The following FBN1 variants were observed in gnomAD, a reference collection of about 807,000 sequenced individuals.
FBN1 encodes fibrillin-1.
A neutral mutation model predicts 365.1 loss-of-function variants in FBN1; 29 were observed. That is an observed-to-expected ratio of 0.08 (90% CI 0.06 to 0.11). The LOEUF (loss-of-function observed/expected upper bound fraction) is 0.11. FBN1 is among the 10% of genes least tolerant of loss of function. The probability of loss-of-function intolerance (pLI) is 1.00; values close to 1 mark genes in which losing one functional copy is unlikely to be tolerated. For synonymous variants in FBN1, 1,210 were observed against 1,270.5 expected (o/e 0.95, Z 1.01); for missense variants, 2,476 against 3,703.2 (o/e 0.67, Z 8.60).
intron 25 of FBN1, 124 bp from the exon 26 acceptor site, chr15:48,488,617 T>C: frequency 9.5e-7 from 1 of 1,052,148 alleles, no homozygotes; most frequent in Non-Finnish European, 1.4e-6. Flanking sequence ...GCAGTATACA[T>C]TTCCAAGAAT....
intron 2 of FBN1, among the ~76,000 whole-genome samples, chr15:48,637,130 C>T (rs949416716): frequency 6.6e-6 from 1 of 152,176 alleles, no homozygotes; most frequent in African/African-American, 2.4e-5. Context: ...TCTGGAACCA[C>T]CTGAGTCTCT....
intron 10 of FBN1, among the ~76,000 whole-genome samples, chr15:48,519,942 G>C (rs530953447): frequency 6.6e-6 from 1 of 152,256 alleles, no homozygotes; most frequent in African/African-American, 2.4e-5. Flanking sequence ...AAAGTGTGCT[G>C]TATTTATGTA....
intron 44 of FBN1, among the ~76,000 whole-genome samples, chr15:48,453,556 A>C (rs1476412992): frequency 6.6e-6 from 1 of 152,144 alleles, no homozygotes; most frequent in Non-Finnish European, 1.5e-5. Flanking sequence ...TATTCTATGA[A>C]TAGTTATGGA....
chr15:48,455,881 G>A (rs1039127769), intron 44 of FBN1, among the ~76,000 whole-genome samples: 5 of 151,882 alleles, frequency 3.3e-5, no homozygotes, highest in East Asian at 1.9e-4. Context: ...GCTATAATAC[G>A]TGCTCTAAGG....
At position 48,412,668 on chromosome 15, in the gene FBN1, T is replaced by G; in HGVS notation, c.8127A>C (p.Ser2709=). ...ACTCGTAACAAGCCTCTGGGGAGAG[T>G]GAATTGTCATCCATTTCACCACTGA... is the stretch of plus-strand genomic sequence containing the variant. The part of the protein sequence containing the change: ...PPVSGEMDDN[S]LSPEACYECK... Residue 2709 remains serine (S), a synonymous_variant, in exon 65 of 66, where the codon TCA becomes TCC. Coordinates refer to ENST00000316623, the MANE Select transcript of FBN1 (RefSeq NM_000138.5). The G allele has an allele frequency of 6.2e-7, 1 of 1,613,948 alleles. No homozygotes were observed. The highest frequency in any genetic ancestry group is 8.5e-7 in the Non-Finnish European group (1 of 1,179,984).
intron 14 of FBN1, 66 bp downstream of exon 14, chr15:48,509,978 G>T: frequency 1.3e-6 from 2 of 1,541,396 alleles, no homozygotes; most frequent in Non-Finnish European, 1.8e-6. Flanking sequence ...ATTTGGTCTT[G>T]TTAAAGACCC....
chr15:48,615,287 T>A (rs781025289), intron 2 of FBN1, among the ~76,000 whole-genome samples: 11 of 152,144 alleles, frequency 7.2e-5, no homozygotes, highest in East Asian at 3.8e-4. Flanking sequence ...GTTTTATTTT[T>A]TTTTTTTACT....
At chr15:48,489,507 G>C (rs1255052226) in intron 25 of FBN1, among the ~76,000 whole-genome samples, 2 of 152,014 alleles carry the variant, frequency 1.3e-5, no homozygotes, top group Admixed American at 1.3e-4. Context: ...ACAGAACTGG[G>C]AGATTAAATC....
At chr15:48,532,063 G>A (rs1352769853) in intron 8 of FBN1, among the ~76,000 whole-genome samples, 2 of 152,124 alleles carry the variant, frequency 1.3e-5, no homozygotes, top group African/African-American at 2.4e-5. Context: ...CACCATAATA[G>A]GTTTCTTAGC....
At chr15:48,570,249 C>T (rs568797640) in intron 6 of FBN1, among the ~76,000 whole-genome samples, 3 of 152,292 alleles carry the variant, frequency 2.0e-5, no homozygotes, top group Admixed American at 1.3e-4. Flanking sequence ...TTTTTCCAAA[C>T]TAATCCTAGG....
At chr15:48,524,579 A>G (rs2043892020) in intron 9 of FBN1, among the ~76,000 whole-genome samples, 2 of 152,170 alleles carry the variant, frequency 1.3e-5, no homozygotes, top group African/African-American at 4.8e-5. Context: ...AGAGTTGCAA[A>G]GAAGAAACGG....
chr15:48,452,746 C>T (rs1300033065), intron 44 of FBN1, 62 bp from the exon 45 acceptor site: 12 of 1,582,536 alleles, frequency 7.6e-6, no homozygotes, highest in Non-Finnish European at 1.0e-5. Flanking sequence ...TCAACAAAGC[C>T]TCTCACATGA....
intron 50 of FBN1, among the ~76,000 whole-genome samples, chr15:48,438,337 T>C (rs1356633857): frequency 6.6e-6 from 1 of 152,190 alleles, no homozygotes; most frequent in Admixed American, 6.5e-5. Context: ...AAGAGAATCC[T>C]CTTAGTTCTA....
intron 38 of FBN1, 87 bp downstream of exon 38, chr15:48,467,851 C>A (rs950471585): frequency 8.3e-7 from 1 of 1,199,820 alleles, no homozygotes; most frequent in Non-Finnish European, 1.2e-6. Flanking sequence ...CTTCTCTGAT[C>A]TAAGAGTAGA....
rs2141269601 is a variant in FBN1 at position 48,465,598 on chromosome 15, A to G, written c.4912T>C (p.Tyr1638His). ...SFQCRCPTGY[Y>H]LNEDTRVCDD... ...CACACTCGTGTATCTTCATTCAGGT[A>G]GTAGCCGGTTGGACAGCGGCACTGG... Residue 1638 changes from tyrosine (Y) to histidine (H), a missense_variant, in exon 40 of 66, where the codon TAC (tyrosine) becomes CAC (histidine). Physicochemically the swap from Tyr to His is moderately conservative, Grantham distance 83. Coordinates refer to ENST00000316623, the MANE Select transcript of FBN1 (RefSeq NM_000138.5). The G allele has an allele frequency of 5.6e-6, 9 of 1,614,170 alleles. No individual in the cohort carries two copies. The highest frequency in any genetic ancestry group is 6.8e-6 in the Non-Finnish European group (8 of 1,179,988).
chr15:48,563,052 C>T (rs955311613), intron 6 of FBN1, among the ~76,000 whole-genome samples: 1 of 152,082 alleles, frequency 6.6e-6, no homozygotes, highest in East Asian at 1.9e-4. Context: ...ACATGAGAGA[C>T]AGTGAATGAA....
intron 2 of FBN1, among the ~76,000 whole-genome samples, chr15:48,633,036 T>A (rs1890016716): frequency 6.6e-6 from 1 of 152,114 alleles, no homozygotes; most frequent in East Asian, 1.9e-4. Flanking sequence ...TTTGCCTACA[T>A]CTCCTCAGAC....
intron 6 of FBN1, among the ~76,000 whole-genome samples, chr15:48,587,278 T>C (rs1365300408): frequency 6.6e-6 from 1 of 152,212 alleles, no homozygotes; most frequent in Non-Finnish European, 1.5e-5. Flanking sequence ...ATAAAATTGG[T>C]AAGGATTTCC....
At chr15:48,440,982 A>G (rs1372122167) in intron 50 of FBN1, among the ~76,000 whole-genome samples, 1 of 151,914 alleles carries the variant, frequency 6.6e-6, no homozygotes, top group Admixed American at 6.6e-5. Flanking sequence ...AAAAAGAAAT[A>G]CATGTGTTTG....
Sources: gnomAD v4.1 joint callset for allele counts (sites outside exome capture counted in the v4.1 genomes callset) on GRCh38, gnomAD v4.1.1 for gene constraint, MANE v1.5 for transcripts, NCBI Gene and HGNC (gene_info 2026-07-23, HGNC 2026-07-21) for gene names.